NPEPPS: variants seen among roughly 807,000 people sequenced by gnomAD.
NPEPPS encodes the protein puromycin-sensitive aminopeptidase.
Under a neutral mutation model 115.5 loss-of-function variants are expected in NPEPPS, and 14 were observed. That is an observed-to-expected ratio of 0.12 (90% CI 0.08 to 0.19). NPEPPS has a LOEUF of 0.19. NPEPPS is among the 10% of genes least tolerant of loss of function. The pLI, the probability that NPEPPS is intolerant of heterozygous loss-of-function variation, is 1.00. For missense variants in NPEPPS, 523 were observed against 1,110.8 expected, an observed-to-expected ratio of 0.47 and a Z score of 7.52; for synonymous variants, 285 against 390.6, an observed-to-expected ratio of 0.73 and a Z score of 3.19.
upstream of NPEPPS, among the ~76,000 whole-genome samples, chr17:47,530,152 C>T (rs1907633780): frequency 7.1e-6 from 1 of 141,042 alleles, no homozygotes; most frequent in African/African-American, 2.6e-5. Context: ...ACCATATTGG[C>T]CAGGCTGGTC....
At chr17:47,586,576 C>T in intron 8 of NPEPPS, 178 bp downstream of exon 8, 1 of 621,266 alleles carries the variant, frequency 1.6e-6, no homozygotes, top group Non-Finnish European at 3.0e-6. Context: ...TTTGGTGCTA[C>T]TGTCTGAGGG....
intron 1 of NPEPPS, among the ~76,000 whole-genome samples, chr17:47,537,376 T>C (rs1376737210): frequency 6.6e-6 from 1 of 152,094 alleles, no homozygotes; most frequent in African/African-American, 2.4e-5. Context: ...AAGTTTACCC[T>C]TTGAGGCCCT....
intron 3 of NPEPPS, among the ~76,000 whole-genome samples, chr17:47,576,315 G>A (rs866811294): frequency 6.6e-5 from 10 of 152,136 alleles, no homozygotes; most frequent in Non-Finnish European, 1.0e-4. Context: ...GACACATGGC[G>A]AAACCCTGTT....
intron 2 of NPEPPS, chr17:47,559,531 A>G (rs1910292287): frequency 5.2e-6 from 2 of 383,346 alleles, no homozygotes; most frequent in Non-Finnish European, 1.0e-5. Context: ...AAGCAGGTAT[A>G]TGAATAGTTT....
chr17:47,620,966 TGAGTTCAA>T (rs1433852084), intron 22 of NPEPPS, among the ~76,000 whole-genome samples: 1 of 152,060 alleles, frequency 6.6e-6, no homozygotes, highest in Non-Finnish European at 1.5e-5. Context: ...GAGGATTGCT[TGAGTTCAA>T]GAGTTCAAGA....
intron 19 of NPEPPS, among the ~76,000 whole-genome samples, chr17:47,614,604 A>T (rs1056360505): frequency 6.6e-6 from 1 of 152,222 alleles, no homozygotes; most frequent in Non-Finnish European, 1.5e-5. Flanking sequence ...CCATGTCCTC[A>T]TAATGGCAGC....
In NPEPPS at chr17:47,590,832, A is replaced by G; in HGVS notation, c.1211A>G (p.Tyr404Cys). The G allele has an allele frequency of 6.2e-7, 1 of 1,607,630 alleles. No homozygotes were observed. Among genetic ancestry groups the G allele is most frequent in the Non-Finnish European group, 8.5e-7 (1 of 1,175,012 alleles). The change falls in exon 10 of 23, where the codon TAC becomes TGC. Residue 404 changes from tyrosine (Y) to cysteine (C), a missense_variant. Tyr to Cys is a radical substitution (Grantham distance 194). Transcript: ENST00000322157. ...TGGACTCAGTTTGTTTCTGCTGATT[A>G]CACCCGTGCCCAGGAGCTTGACGCC... ...DIWTQFVSAD[Y>C]TRAQELDALD...
chr17:47,561,015 T>G (rs549439954), intron 2 of NPEPPS, among the ~76,000 whole-genome samples: 5 of 152,234 alleles, frequency 3.3e-5, no homozygotes, highest in Non-Finnish European at 7.3e-5. Flanking sequence ...ACTTCTGATA[T>G]TGAAATTTTA....
intron 2 of NPEPPS, among the ~76,000 whole-genome samples, chr17:47,556,164 G>T (rs1910016558): frequency 6.7e-6 from 1 of 149,244 alleles, no homozygotes; most frequent in Non-Finnish European, 1.5e-5. Context: ...GAGGAGGGAA[G>T]GTCAGCAGAT....
intron 1 of NPEPPS, among the ~76,000 whole-genome samples, chr17:47,524,663 T>C (rs1406613636): frequency 2.5e-3 from 1 of 396 alleles, no homozygotes; most frequent in African/African-American, 3.1e-3. Context: ...CCTGGCTAAT[T>C]TTTTTTTTTT....
At chr17:47,617,511 A>T (rs116722884) in intron 19 of NPEPPS, among the ~76,000 whole-genome samples, 2,950 of 151,412 alleles carry the variant, frequency 0.019, 60 homozygotes, top group East Asian at 0.11. Flanking sequence ...ATATATATAT[A>T]TTTTTTAGGA....
chr17:47,621,786 C>T lies in NPEPPS; in HGVS notation c.2626C>T (p.Pro876Ser), dbSNP rs1914590108. The T allele has an allele frequency of 6.2e-7, 1 of 1,611,164 alleles. No individual in the cohort carries two copies. The highest frequency in any genetic ancestry group is 1.1e-5 in the South Asian group (1 of 90,866). Residue 876 changes from proline to serine, a missense_variant, in exon 23 of 23, where the codon CCA (proline) becomes TCA (serine). Physicochemically the swap from Pro to Ser is moderately conservative, Grantham distance 74. Coordinates refer to ENST00000322157, the MANE Select transcript of NPEPPS (RefSeq NM_006310.4). ...ATACCAGGCTTTCTTCGAGAGTCAC[C>T]CAGCTCCTTCAGCTGAGCGTACCAT... is the stretch of plus-strand genomic sequence containing the variant. ...GEVKAFFESH[P>S]APSAERTIQQ...
chr17:47,613,790 C>T, intron 19 of NPEPPS, 65 bp downstream of exon 19: 1 of 1,173,076 alleles, frequency 8.5e-7, no homozygotes. Context: ...CAGTAAACCT[C>T]TAAATGGTTA....
rs1401939636 is a variant in NPEPPS, at chr17:47,575,358, A to G, written c.419-4032A>G. ...TGGAGGCCATTTATTATTAGTATAT[A>G]AGAGATGTATCATTCTTGATAAGGT... On this transcript the variant is annotated intron_variant, in intron 3 of 22. Transcript: ENST00000322157. 2.0e-5 allele frequency among the ~76,000 whole-genome samples: 3 copies of G among 152,036 alleles called. No individual in the cohort carries two copies. The East Asian group carries it at 5.8e-4, about 29-fold the overall frequency.
rs200255738 is a variant in NPEPPS, at chr17:47,605,509, A to T, written c.2052A>T (p.Ser684=). 4 of 1,599,954 alleles carry T rather than the reference A, an allele frequency of 2.5e-6. No homozygotes were observed. Among genetic ancestry groups the T allele is most frequent in the Non-Finnish European group, 3.4e-6 (4 of 1,172,482 alleles). The stretch of plus-strand genomic sequence containing the variant: ...AGGAGTTTGTGAAAGATGTCTTTTC[A>T]CCTATAGGGGAGAGACTGGGCTGGG... ...EIQEFVKDVF[S]PIGERLGWDP... The change falls in exon 17 of 23, where the codon TCA becomes TCT. Residue 684 remains serine (S), a synonymous_variant. Coordinates refer to ENST00000322157, the MANE Select transcript of NPEPPS (RefSeq NM_006310.4).
In NPEPPS at chr17:47,623,008, A is replaced by T; in HGVS notation, c.*1088A>T. On this transcript the variant is annotated 3_prime_UTR_variant, in exon 23 of 23. Coordinates refer to ENST00000322157, the MANE Select transcript of NPEPPS (RefSeq NM_006310.4). ...GCCTGTGTGTGCCACTGTTTGCTTC[A>T]ACAGTATATCCTAATAAGCCTCACC... is the stretch of plus-strand genomic sequence containing the variant. The T allele has an allele frequency of 2.4e-6, 1 of 410,686 alleles. No individual in the cohort carries two copies. Among genetic ancestry groups the T allele is most frequent in the South Asian group, 1.6e-5 (1 of 61,682 alleles). The allele number at this position is 410,686 out of a possible 1,614,324, so 25.4% of individuals were successfully genotyped here. A position where few individuals can be genotyped will look rare whatever the true frequency, so the allele number is the denominator to read the frequency against.
chr17:47,557,752 G>A (rs1278725634), intron 2 of NPEPPS, among the ~76,000 whole-genome samples: 1 of 148,782 alleles, frequency 6.7e-6, no homozygotes, highest in Non-Finnish European at 1.5e-5. Context: ...CTTTGTGAGA[G>A]TACCTGTAAT....
chr17:47,620,872 A>C (rs1269796114), intron 22 of NPEPPS, among the ~76,000 whole-genome samples: 1 of 152,192 alleles, frequency 6.6e-6, no homozygotes, highest in Non-Finnish European at 1.5e-5. Context: ...CATTGTGATA[A>C]ATTGTAAACT....
intron 1 of NPEPPS, among the ~76,000 whole-genome samples, chr17:47,537,765 G>A (rs1216829575): frequency 2.7e-5 from 4 of 149,876 alleles, no homozygotes; most frequent in South Asian, 2.1e-4. Context: ...ATCTTTTTAT[G>A]CTTTGCAATT....
Sources: allele counts gnomAD v4.1 joint callset (sites outside exome capture counted in the v4.1 genomes callset), GRCh38; gene constraint gnomAD v4.1.1; transcripts MANE v1.5; gene names NCBI Gene and HGNC (gene_info 2026-07-23, HGNC 2026-07-21).